The following RBMS3 variants were observed in gnomAD, a reference collection of about 807,000 sequenced individuals.
RBMS3 encodes the protein RNA-binding motif, single-stranded-interacting protein 3.
In RBMS3, 27 loss-of-function variants were observed where a neutral mutation model predicts 66.8. The ratio of observed to expected loss-of-function variants is 0.40; its 90% CI spans 0.30 to 0.56. The LOEUF (loss-of-function observed/expected upper bound fraction) is 0.56, where lower values mean the gene tolerates loss of function less well. Among genes scored for constraint, RBMS3 ranks in the 20% least tolerant of loss-of-function variants. RBMS3 has a pLI of 0.40. For missense variants in RBMS3, 513 were observed against 549.5 expected (o/e 0.93, Z 0.66); for synonymous variants, 188 against 183.0 (o/e 1.03, Z -0.22).
intron 5 of RBMS3, among the ~76,000 whole-genome samples, chr3:29,745,406 A>T (rs1159908306): frequency 1.3e-5 from 2 of 152,172 alleles, no homozygotes; most frequent in Admixed American, 6.5e-5. Context: ...ATGCCAACAG[A>T]GTACCTTGCC....
At chr3:29,619,871 G>GT (rs147590464) in intron 4 of RBMS3, among the ~76,000 whole-genome samples, 3,911 of 146,724 alleles carry the variant, frequency 0.027, 115 homozygotes, top group African/African-American at 0.078. Context: ...TAACAGTGAA[G>GT]TTTTTTTTTT....
chr3:29,537,593 G>C (rs2045611741), intron 3 of RBMS3: 1 of 152,160 alleles, frequency 6.6e-6, no homozygotes, highest in African/African-American at 2.4e-5. Flanking sequence ...GGCAGGCCGA[G>C]GGGGGTGGAT....
chr3:29,991,220 G>T lies in RBMS3; in HGVS notation c.1307+11G>T, dbSNP rs1698854352. 1 of 1,613,846 alleles carries T rather than the reference G, an allele frequency of 6.2e-7. No individual in the cohort carries two copies. ...TTACCAACAGTCTAAGTAAGTCTGG[G>T]CTGTGCTAAGCTCTTTTCCTCAAGA... On this transcript the variant is annotated intron_variant, in intron 14 of 14. Transcript: ENST00000383767.
At chr3:29,813,204 G>A (rs1452517260) in intron 6 of RBMS3, among the ~76,000 whole-genome samples, 1 of 151,878 alleles carries the variant, frequency 6.6e-6, no homozygotes, top group Non-Finnish European at 1.5e-5. Context: ...AATTTCTTAA[G>A]GCCATTCTTT....
intron 12 of RBMS3, among the ~76,000 whole-genome samples, chr3:29,972,423 T>A (rs1697286989): frequency 6.6e-6 from 1 of 151,890 alleles, no homozygotes; most frequent in Admixed American, 6.6e-5. Context: ...ACTTTCTGTT[T>A]ATTTAGAATG....
chr3:29,348,910 G>C (rs2036742883), intron 1 of RBMS3, among the ~76,000 whole-genome samples: 1 of 152,140 alleles, frequency 6.6e-6, no homozygotes, highest in Non-Finnish European at 1.5e-5. Flanking sequence ...TAAGATGCTT[G>C]GTGCTTCTTT....
chr3:29,444,999 C>A (rs545943478), intron 2 of RBMS3, among the ~76,000 whole-genome samples: 1 of 151,288 alleles, frequency 6.6e-6, no homozygotes, highest in South Asian at 2.1e-4. Flanking sequence ...CCAATCTGTA[C>A]TGTATCCTTA....
intron 6 of RBMS3, among the ~76,000 whole-genome samples, chr3:29,794,371 G>C (rs2149432166): frequency 6.6e-6 from 1 of 152,218 alleles, no homozygotes; most frequent in East Asian, 1.9e-4. Flanking sequence ...TGGATCATGA[G>C]GTCAGGAGAT....
chr3:29,765,749 A>C (rs781287352), intron 6 of RBMS3: 1 of 152,106 alleles, frequency 6.6e-6, no homozygotes, highest in Non-Finnish European at 1.5e-5. Context: ...CTATTGTATT[A>C]GTTTGTTTTC....
At chr3:29,705,572 C>T (rs2052847169) in intron 4 of RBMS3, among the ~76,000 whole-genome samples, 1 of 152,084 alleles carries the variant, frequency 6.6e-6, no homozygotes, top group South Asian at 2.1e-4. Context: ...GTTTATTCTT[C>T]TTGTTGTGAA....
intron 6 of RBMS3, among the ~76,000 whole-genome samples, chr3:29,769,327 G>C (rs1228622545): frequency 6.6e-6 from 1 of 151,894 alleles, no homozygotes; most frequent in East Asian, 1.9e-4. Context: ...TGAAGGTGAG[G>C]TGCAGGCACA....
intron 4 of RBMS3, among the ~76,000 whole-genome samples, chr3:29,590,842 C>T (rs2047709499): frequency 6.6e-6 from 1 of 152,132 alleles, no homozygotes; most frequent in Non-Finnish European, 1.5e-5. Context: ...CATCAAGGAT[C>T]AAGGCAGCTC....
chr3:29,564,175 A>G (rs1295313861), intron 3 of RBMS3, among the ~76,000 whole-genome samples: 1 of 152,092 alleles, frequency 6.6e-6, no homozygotes, highest in Non-Finnish European at 1.5e-5. Context: ...GCTAATCTAT[A>G]TTACAATAAA....
chr3:29,341,504 T>C (rs1473474388), intron 1 of RBMS3, among the ~76,000 whole-genome samples: 1 of 152,152 alleles, frequency 6.6e-6, no homozygotes, highest in Non-Finnish European at 1.5e-5. Flanking sequence ...CTATTTGTAT[T>C]TCTACTTTTT....
chr3:29,628,259 A>T (rs971443654), intron 4 of RBMS3, among the ~76,000 whole-genome samples: 1 of 152,160 alleles, frequency 6.6e-6, no homozygotes, highest in Non-Finnish European at 1.5e-5. Flanking sequence ...TGTAAACAAC[A>T]ATTTAAAAAA....
At position 29,744,676 on chromosome 3, in the gene RBMS3, C is replaced by T. The variant is rs1260367817; in HGVS notation, c.557+4799C>T. 5.3e-5 allele frequency among the ~76,000 whole-genome samples: 8 copies of T among 151,434 alleles called. No individual in the cohort carries two copies. The South Asian group carries it at 6.3e-4, about 12-fold the overall frequency. On this transcript the variant is annotated intron_variant, in intron 5 of 14. Transcript: ENST00000383767. ...GCACGTGCCTGTAATCCGAGCTACT[C>T]GGGAGGCTGAGGCATGAGAATCGCT...
chr3:29,458,355 C>T (rs2042263312), intron 2 of RBMS3, among the ~76,000 whole-genome samples: 2 of 152,134 alleles, frequency 1.3e-5, no homozygotes. Context: ...CGTAATGACT[C>T]ATGGTTTATT....
intron 4 of RBMS3, among the ~76,000 whole-genome samples, chr3:29,614,198 A>C (rs367796129): frequency 1.3e-5 from 2 of 152,124 alleles, no homozygotes; most frequent in African/African-American, 4.8e-5. Context: ...AGGACAATAC[A>C]TTAAGTGAAA....
chr3:29,893,456 C>A (rs1392267198), intron 8 of RBMS3, among the ~76,000 whole-genome samples: 2 of 151,434 alleles, frequency 1.3e-5, no homozygotes, highest in Non-Finnish European at 3.0e-5. Flanking sequence ...ACCAGCCACG[C>A]TAAAATGTAA....
Sources: gnomAD v4.1 joint callset for allele counts (sites outside exome capture counted in the v4.1 genomes callset) on GRCh38, gnomAD v4.1.1 for gene constraint, MANE v1.5 for transcripts, NCBI Gene and HGNC (gene_info 2026-07-23, HGNC 2026-07-21) for gene names.